The following FNDC9 variants were observed in gnomAD, a reference collection of about 807,000 sequenced individuals.
FNDC9 encodes fibronectin type III domain-containing protein 9.
In FNDC9, 3 loss-of-function variants were observed where a neutral mutation model predicts 9.0. The ratio of observed to expected loss-of-function variants is 0.33; its 90% CI spans 0.15 to 0.86. The LOEUF is 0.86. Ranked by LOEUF, FNDC9 falls within the 40% of genes least tolerant of loss-of-function variation. The pLI is 0.53. For missense variants in FNDC9, 279 were observed against 287.2 expected, an observed-to-expected ratio of 0.97 and a Z score of 0.21; for synonymous variants, 114 against 115.6, an observed-to-expected ratio of 0.99 and a Z score of 0.09.
In FNDC9 at chr5:157,342,672, G is replaced by T; in HGVS notation, c.*190C>A. 1 of 551,938 alleles carries T rather than the reference G, an allele frequency of 1.8e-6. No homozygotes were observed. The highest frequency in any genetic ancestry group is 3.1e-6 in the Non-Finnish European group (1 of 320,720). 34.2% of individuals were successfully genotyped at this position (551,938 alleles called of 1,614,324 possible). On this transcript the variant is annotated 3_prime_UTR_variant, in exon 2 of 2. Transcript: ENST00000312349. ...TGCTGAGATGCCTCGTTTGTGCCTT[G>T]GCATACCCTGGGGGATACATTTTCC...
rs369433912 is a variant in FNDC9, at chr5:157,342,897, C to A, written c.640G>T (p.Asp214Tyr). 96 of 1,613,780 alleles carry A rather than the reference C, an allele frequency of 5.9e-5. 1 individual carries two copies. In the East Asian group the frequency reaches 1.1e-3, roughly 19 times the overall value. The part of the protein sequence containing the change: ...DAGALQRGGG[D>Y]PPAILPHCGE ...CAATGAGGCAGTATAGCGGGTGGGT[C>A]ACCACCCCCCCTCTGTAAGGCACCC... is the stretch of plus-strand genomic sequence containing the variant. Residue 214 changes from aspartate (D) to tyrosine (Y), a missense_variant, in exon 2 of 2, where the codon GAC (aspartate) becomes TAC (tyrosine). Transcript: ENST00000312349.
In FNDC9 at chr5:157,343,181, A is replaced by G. The variant is rs763252307; in HGVS notation, c.356T>C (p.Ile119Thr). The G allele has an allele frequency of 8.7e-6, 14 of 1,614,100 alleles. No homozygotes were observed. The East Asian group carries it at 1.6e-4, about 18-fold the overall frequency. ...GACGGCTGTGAAGCAGGCCAGCAGA[A>G]TGGCCATCAGCACCCAAAGGGAGAT... ...PQISLWVLMA[I>T]LLACFTAVLA... The change falls in exon 2 of 2, where the codon ATT becomes ACT. Residue 119 changes from isoleucine (I) to threonine (T), a missense_variant. Physicochemically the swap from Ile to Thr is moderately conservative, Grantham distance 89. Transcript: ENST00000312349.
At position 157,342,690 on chromosome 5, in the gene FNDC9, C is replaced by T. The variant is rs1345130615; in HGVS notation, c.*172G>A. Reference sequence around the variant, plus strand: ...GTGCCTTGGCATACCCTGGGGGATACATTTTCCAGCTTGAGAAGCTTTGTC... The same window carrying T: ...GTGCCTTGGCATACCCTGGGGGATATATTTTCCAGCTTGAGAAGCTTTGTC... On this transcript the variant is annotated 3_prime_UTR_variant, in exon 2 of 2. Transcript: ENST00000312349. 1.6e-6 allele frequency: 1 copy of T among 633,674 alleles called. No individual in the cohort carries two copies. The highest frequency in any genetic ancestry group is 2.6e-6 in the Non-Finnish European group (1 of 384,264). 39.3% of individuals were successfully genotyped at this position (633,674 alleles called of 1,614,324 possible).
In FNDC9 at chr5:157,343,054, C is replaced by G. The variant is rs374229052; in HGVS notation, c.483G>C (p.Trp161Cys). 2 of 1,614,090 alleles carry G rather than the reference C, an allele frequency of 1.2e-6. No homozygotes were observed. Among genetic ancestry groups the G allele is most frequent in the African/African-American group, 1.3e-5 (1 of 74,954 alleles). ...GACCAAGATCCGGGGCCTCCTCTGG[C>G]CATCTCACCAACCCATTGGCCTCCT... is the stretch of plus-strand genomic sequence containing the variant. ...HMEEANGLVRWPEEAPDLGQR... is the reference protein window; with the variant it reads ...HMEEANGLVRCPEEAPDLGQR... The change falls in exon 2 of 2, where the codon TGG becomes TGC. Residue 161 changes from tryptophan (W) to cysteine (C), a missense_variant. Coordinates refer to ENST00000312349, the MANE Select transcript of FNDC9 (RefSeq NM_001001343.4).
Position 157,342,811 on chromosome 5 carries a change from A to G in FNDC9, c.*51T>C, listed in dbSNP as rs778113223. 1 of 1,529,958 alleles carries G rather than the reference A, an allele frequency of 6.5e-7. No homozygotes were observed. The highest frequency in any genetic ancestry group is 8.8e-7 in the Non-Finnish European group (1 of 1,131,840). The allele number at this position is 1,529,958 out of a possible 1,614,324, so 94.8% of individuals were successfully genotyped here. A position where few individuals can be genotyped will look rare whatever the true frequency, so the allele number is the denominator to read the frequency against. ...ATAGACACATTTGTACAAACGACCT[A>G]CTGTGTGGAAAGCTTTAGGCTACAT... On this transcript the variant is annotated 3_prime_UTR_variant, in exon 2 of 2. Transcript: ENST00000312349.
chr5:157,344,869 C>T, intron 1 of FNDC9, among the ~76,000 whole-genome samples: 1 of 152,212 alleles, frequency 6.6e-6, no homozygotes, highest in African/African-American at 2.4e-5. Context: ...CCCCCATCCT[C>T]TTGTGTTTGT....
In FNDC9 at chr5:157,342,983, C is replaced by T. The variant is rs770748395; in HGVS notation, c.554G>A (p.Arg185His). 2.4e-5 allele frequency: 38 copies of T among 1,614,096 alleles called. No individual in the cohort carries two copies. Among genetic ancestry groups the T allele is most frequent in the East Asian group, 1.1e-4 (5 of 44,898 alleles). The change falls in exon 2 of 2, where the codon CGC (arginine) becomes CAC (histidine). Residue 185 changes from arginine (R) to histidine (H), a missense_variant. Arg to His is a conservative substitution (Grantham distance 29). Transcript: ENST00000312349. ...LQGLPLVEMP[R>H]KNSRDGAELD... The stretch of plus-strand genomic sequence containing the variant: ...TTCAGCTCCATCTCTGGAGTTCTTG[C>T]GTGGCATTTCCACCAGGGGGAGCCC...
At position 157,343,387 on chromosome 5, in the gene FNDC9, G is replaced by C. The variant is rs141889118; in HGVS notation, c.150C>G (p.His50Gln). ...FSGYLRYSFH[H>Q]EEKVPRTISS... Reference sequence around the variant, plus strand: ...TGATCGTTCGAGGCACCTTCTCCTCGTGGTGGAAGCTGTAGCGAAGATAGC... The same window carrying C: ...TGATCGTTCGAGGCACCTTCTCCTCCTGGTGGAAGCTGTAGCGAAGATAGC... The change falls in exon 2 of 2, where the codon CAC becomes CAG. Residue 50 changes from histidine to glutamine, a missense_variant. Physicochemically the swap from His to Gln is conservative, Grantham distance 24 (BLOSUM62 0). Transcript: ENST00000312349. The C allele has an allele frequency of 3.7e-6, 6 of 1,614,180 alleles. No individual in the cohort carries two copies. The highest frequency in any genetic ancestry group is 5.1e-6 in the Non-Finnish European group (6 of 1,180,032).
rs890806943 is a variant in FNDC9 at position 157,342,810 on chromosome 5, T to C, written c.*52A>G. The C allele has an allele frequency of 6.6e-7, 1 of 1,525,030 alleles. No individual in the cohort carries two copies. Among genetic ancestry groups the C allele is most frequent in the African/African-American group, 1.4e-5 (1 of 72,216 alleles). The allele number at this position is 1,525,030 out of a possible 1,614,324, so 94.5% of individuals were successfully genotyped here. ...TATAGACACATTTGTACAAACGACC[T>C]ACTGTGTGGAAAGCTTTAGGCTACA... On this transcript the variant is annotated 3_prime_UTR_variant, in exon 2 of 2. Transcript: ENST00000312349.
Position 157,342,660 on chromosome 5 carries a change from C to T in FNDC9, c.*202G>A, listed in dbSNP as rs7715719. On this transcript the variant is annotated 3_prime_UTR_variant, in exon 2 of 2. Transcript: ENST00000312349. ...AGTGGACGCTGCTGCTGAGATGCCT[C>T]GTTTGTGCCTTGGCATACCCTGGGG... 0.41 allele frequency: 209,004 copies of T among 515,982 alleles called. 46,060 individuals carry two copies. Among genetic ancestry groups the T allele is most frequent in the African/African-American group, 0.71 (37,585 of 53,042 alleles). The allele number at this position is 515,982 out of a possible 1,614,324, so 32.0% of individuals were successfully genotyped here. A position where few individuals can be genotyped will look rare whatever the true frequency, so the allele number is the denominator to read the frequency against.
In FNDC9 at chr5:157,343,589, A is replaced by G; in HGVS notation, c.-7-46T>C. 9 of 1,424,022 alleles carry G rather than the reference A, an allele frequency of 6.3e-6. No homozygotes were observed. In the East Asian group the frequency reaches 7.0e-5, roughly 11 times the overall value. The allele number at this position is 1,424,022 out of a possible 1,614,324, so 88.2% of individuals were successfully genotyped here. A position where few individuals can be genotyped will look rare whatever the true frequency, so the allele number is the denominator to read the frequency against. On this transcript the variant is annotated intron_variant, in intron 1 of 1. Transcript: ENST00000312349. The stretch of plus-strand genomic sequence containing the variant: ...AAGAGTGACATCCCCTGATTTAAGT[A>G]TGTATTTATCATAATCATAGCCACC...
intron 1 of FNDC9, among the ~76,000 whole-genome samples, chr5:157,343,863 T>G (rs1762485456): frequency 6.6e-6 from 1 of 152,066 alleles, no homozygotes; most frequent in Non-Finnish European, 1.5e-5. Flanking sequence ...TCTCATCCCC[T>G]TAAGAAAAAA....
In FNDC9 at chr5:157,343,524, C is replaced by A. The variant is rs759322125; in HGVS notation, c.13G>T (p.Val5Leu). Residue 5 changes from valine to leucine, a missense_variant, in exon 2 of 2, where the codon GTG (valine) becomes TTG (leucine). Physicochemically the swap from Val to Leu is conservative, Grantham distance 32. Coordinates refer to ENST00000312349, the MANE Select transcript of FNDC9 (RefSeq NM_001001343.4). The part of the protein sequence containing the change: MNIE[V>L]GNISYTGAII... Reference sequence around the variant, plus strand: ...GCTCCTGTATAAGAAATGTTCCCCACCTCGATGTTCATCCCGATTCTGGAA... The same window carrying A: ...GCTCCTGTATAAGAAATGTTCCCCAACTCGATGTTCATCCCGATTCTGGAA... The A allele has an allele frequency of 1.5e-5, 23 of 1,560,238 alleles. No individual in the cohort carries two copies. In the East Asian group the frequency reaches 5.2e-4, roughly 35 times the overall value.
In FNDC9 at chr5:157,343,563, G is replaced by T; in HGVS notation, c.-7-20C>A. The stretch of plus-strand genomic sequence containing the variant: ...CCGATTCTGGAACCAGAATCAAAGT[G>T]AAGAGTGACATCCCCTGATTTAAGT... On this transcript the variant is annotated intron_variant, in intron 1 of 1. Coordinates refer to ENST00000312349, the MANE Select transcript of FNDC9 (RefSeq NM_001001343.4). The T allele has an allele frequency of 6.6e-7, 1 of 1,517,878 alleles. No homozygotes were observed. 94.0% of individuals were successfully genotyped at this position (1,517,878 alleles called of 1,614,324 possible). A position where few individuals can be genotyped will look rare whatever the true frequency, so the allele number is the denominator to read the frequency against.
chr5:157,344,612 C>T (rs1158094844), intron 1 of FNDC9, among the ~76,000 whole-genome samples: 1 of 152,226 alleles, frequency 6.6e-6, no homozygotes, highest in African/African-American at 2.4e-5. Context: ...TAGTTTCTCT[C>T]ATGCAGTTCC....
chr5:157,343,576 C>T, intron 1 of FNDC9, 33 bp from the exon 2 acceptor site: 1 of 1,479,770 alleles, frequency 6.8e-7, no homozygotes, highest in African/African-American at 1.4e-5. Flanking sequence ...GAGTGACATC[C>T]CCTGATTTAA....
In FNDC9 at chr5:157,342,983, C is replaced by A; in HGVS notation, c.554G>T (p.Arg185Leu). ...LQGLPLVEMP[R>L]KNSRDGAELD... ...TTCAGCTCCATCTCTGGAGTTCTTG[C>A]GTGGCATTTCCACCAGGGGGAGCCC... The change falls in exon 2 of 2, where the codon CGC becomes CTC. Residue 185 changes from arginine to leucine, a missense_variant. Coordinates refer to ENST00000312349, the MANE Select transcript of FNDC9 (RefSeq NM_001001343.4). 1 of 1,614,214 alleles carries A rather than the reference C, an allele frequency of 6.2e-7. No homozygotes were observed. The highest frequency in any genetic ancestry group is 2.2e-5 in the East Asian group (1 of 44,886).
At position 157,341,935 on chromosome 5, in the gene FNDC9, T is replaced by G. The variant is rs540703230; in HGVS notation, c.*927A>C. The G allele has an allele frequency of 1.3e-5, 2 of 152,408 alleles. No individual in the cohort carries two copies. The highest frequency in any genetic ancestry group is 1.3e-4 in the Admixed American group (2 of 15,300). The allele number at this position is 152,408 out of a possible 1,614,324, so 9.4% of individuals were successfully genotyped here. ...CAGCATTTGAGGTGGTTCACAGACA[T>G]GGCATTTAACTAACACTGACTCGCA... On this transcript the variant is annotated 3_prime_UTR_variant, in exon 2 of 2. Coordinates refer to ENST00000312349, the MANE Select transcript of FNDC9 (RefSeq NM_001001343.4).
At chr5:157,343,698 G>C (rs1429476029) in intron 1 of FNDC9, among the ~76,000 whole-genome samples, 155 bp from the exon 2 acceptor site, 2 of 152,116 alleles carry the variant, frequency 1.3e-5, no homozygotes, top group Non-Finnish European at 2.9e-5. Flanking sequence ...CTGTTATTTA[G>C]GCATAGCGAA....
Sources: gnomAD v4.1 joint callset for allele counts (sites outside exome capture counted in the v4.1 genomes callset) on GRCh38, gnomAD v4.1.1 for gene constraint, MANE v1.5 for transcripts, NCBI Gene and HGNC (gene_info 2026-07-23, HGNC 2026-07-21) for gene names.